The following AGBL4 variants were observed in gnomAD, a reference collection of about 807,000 sequenced individuals.
The protein encoded by AGBL4 is AGBL carboxypeptidase 4.
A neutral mutation model predicts 66.4 loss-of-function variants in AGBL4; 58 were observed. That is an observed-to-expected ratio of 0.87 (90% CI 0.71 to 1.09). The LOEUF is 1.09. Among genes scored for constraint, AGBL4 ranks in the 50% least tolerant of loss-of-function variants. The probability of loss-of-function intolerance (pLI) is 0.00; values close to 1 mark genes in which losing one functional copy is unlikely to be tolerated. For missense variants in AGBL4, 579 were observed against 631.0 expected, an observed-to-expected ratio of 0.92 and a Z score of 0.88; for synonymous variants, 234 against 222.9, an observed-to-expected ratio of 1.05 and a Z score of -0.44.
At chr1:49,814,499 GAC>G (rs1351084457) in intron 2 of AGBL4, among the ~76,000 whole-genome samples, 2 of 152,132 alleles carry the variant, frequency 1.3e-5, no homozygotes, top group Admixed American at 1.3e-4. Flanking sequence ...TGACCCAGGA[GAC>G]ACTATATAAA....
chr1:48,780,169 C>A (rs1331138390), intron 6 of AGBL4, among the ~76,000 whole-genome samples: 1 of 150,274 alleles, frequency 6.7e-6, no homozygotes, highest in African/African-American at 2.5e-5. Context: ...TAATGCTATC[C>A]CTCCCCTAGT....
intron 6 of AGBL4, among the ~76,000 whole-genome samples, chr1:48,859,069 G>A (rs1475037412): frequency 6.6e-6 from 1 of 152,026 alleles, no homozygotes; most frequent in African/African-American, 2.4e-5. Flanking sequence ...TTAGGCAGAA[G>A]TGACGCCTTC....
intron 2 of AGBL4, among the ~76,000 whole-genome samples, chr1:49,793,879 T>C (rs1343797828): frequency 2.6e-5 from 4 of 151,942 alleles, no homozygotes; most frequent in African/African-American, 9.7e-5. Context: ...GTAGCATGTA[T>C]GACTGAAGGA....
At chr1:49,140,820 C>T (rs527812801) in intron 4 of AGBL4, among the ~76,000 whole-genome samples, 2 of 152,254 alleles carry the variant, frequency 1.3e-5, no homozygotes, top group South Asian at 2.1e-4. Context: ...AAGTCTAGTC[C>T]TCTTTCTTTG....
At chr1:49,832,060 T>C (rs147166972) in intron 2 of AGBL4, among the ~76,000 whole-genome samples, 2,820 of 152,060 alleles carry the variant, frequency 0.019, 81 homozygotes, top group African/African-American at 0.063. Context: ...GTTAGTTACA[T>C]ATGTATACAC....
chr1:49,856,916 G>A (rs1646448209), intron 1 of AGBL4, among the ~76,000 whole-genome samples: 2 of 150,474 alleles, frequency 1.3e-5, no homozygotes, highest in Non-Finnish European at 3.0e-5. Context: ...ATCCAAATGG[G>A]AAAAAAGGAA....
intron 3 of AGBL4, among the ~76,000 whole-genome samples, chr1:49,645,648 T>C (rs983501972): frequency 6.6e-6 from 1 of 151,272 alleles, no homozygotes; most frequent in African/African-American, 2.4e-5. Context: ...TTATAAAATC[T>C]CTTTTTAAAA....
chr1:49,381,718 T>A (rs1310025363), intron 3 of AGBL4, among the ~76,000 whole-genome samples: 1 of 151,660 alleles, frequency 6.6e-6, no homozygotes, highest in South Asian at 2.1e-4. Flanking sequence ...AAATTGGAAA[T>A]CATCATTCTC....
At chr1:49,864,314 A>C (rs565499567) in intron 1 of AGBL4, among the ~76,000 whole-genome samples, 1 of 152,332 alleles carries the variant, frequency 6.6e-6, no homozygotes, top group South Asian at 2.1e-4. Context: ...GGGTACAAAA[A>C]AAACAACAGA....
chr1:49,263,455 C>T (rs574870373), intron 3 of AGBL4, among the ~76,000 whole-genome samples: 1 of 151,668 alleles, frequency 6.6e-6, no homozygotes, highest in African/African-American at 2.4e-5. Context: ...ACCAACAATA[C>T]AATAGAAAAT....
At chr1:49,371,248 G>GATAGATAGATAGATAGATAGATAGATAC (rs1220363831) in intron 3 of AGBL4, among the ~76,000 whole-genome samples, 2 of 137,880 alleles carry the variant, frequency 1.5e-5, no homozygotes, top group South Asian at 4.6e-4. Context: ...TAGATAGATA[G>GATAGATAGATAGATAGATAGATAGATAC]ATACATACAT....
intron 6 of AGBL4, 126 bp downstream of exon 6, chr1:48,867,065 G>A (rs983990976): frequency 2.8e-6 from 3 of 1,067,366 alleles, no homozygotes; most frequent in African/African-American, 3.2e-5. Flanking sequence ...ATCATTCATG[G>A]TGCAAGAGTT....
At chr1:48,626,905 TCTTTTCCTAGGGAGTGA>T (rs1645512186) in intron 9 of AGBL4, among the ~76,000 whole-genome samples, 1 of 152,146 alleles carries the variant, frequency 6.6e-6, no homozygotes, top group African/African-American at 2.4e-5. Context: ...GGTGGTTCTG[TCTTTTCCTAGGGAGTGA>T]TAAATATCCT....
At chr1:49,494,306 G>C (rs1338892007) in intron 3 of AGBL4, among the ~76,000 whole-genome samples, 1 of 151,594 alleles carries the variant, frequency 6.6e-6, no homozygotes, top group Non-Finnish European at 1.5e-5. Flanking sequence ...TTAAGTTTTA[G>C]GGTACATGTG....
At chr1:49,235,542 C>T (rs934823684) in intron 4 of AGBL4, among the ~76,000 whole-genome samples, 5 of 152,168 alleles carry the variant, frequency 3.3e-5, no homozygotes, top group Admixed American at 2.6e-4. Flanking sequence ...CTGTTGTGTA[C>T]TTACTTGAGT....
chr1:49,679,719 G>A (rs1377449355), intron 3 of AGBL4, among the ~76,000 whole-genome samples: 7 of 152,046 alleles, frequency 4.6e-5, no homozygotes, highest in Non-Finnish European at 1.0e-4. Context: ...TATTCATAGT[G>A]TTTTTCAATA....
intron 3 of AGBL4, among the ~76,000 whole-genome samples, chr1:49,506,422 G>A (rs1648692132): frequency 6.6e-6 from 1 of 152,016 alleles, no homozygotes; most frequent in African/African-American, 2.4e-5. Context: ...ACATGTTGTG[G>A]GAGGGACCCA....
intron 6 of AGBL4, among the ~76,000 whole-genome samples, chr1:48,847,697 G>T (rs1646951878): frequency 6.6e-6 from 1 of 152,158 alleles, no homozygotes; most frequent in Admixed American, 6.5e-5. Flanking sequence ...GACAGAGACG[G>T]TGTCTTTTTT....
intron 6 of AGBL4, among the ~76,000 whole-genome samples, chr1:48,811,656 C>T (rs1042698357): frequency 1.1e-4 from 16 of 152,120 alleles, no homozygotes; most frequent in Admixed American, 4.6e-4. Context: ...CTAGGATCCC[C>T]GTTTCCTAGT....
Sources: allele counts gnomAD v4.1 joint callset (sites outside exome capture counted in the v4.1 genomes callset), GRCh38; gene constraint gnomAD v4.1.1; transcripts MANE v1.5; gene names NCBI Gene and HGNC (gene_info 2026-07-23, HGNC 2026-07-21).